The following ZNF594 variants were observed in gnomAD, a reference collection of about 807,000 sequenced individuals.
ZNF594 encodes zinc finger protein HZF18.
For synonymous variants in ZNF594, 336 were observed against 309.4 expected, an observed-to-expected ratio of 1.09 and a Z score of -0.90; for missense variants, 1,037 against 964.6, an observed-to-expected ratio of 1.08 and a Z score of -0.99.
At position 5,182,490 on chromosome 17, in the gene ZNF594, A is replaced by C; in HGVS notation, c.1767T>G (p.Thr589=). Residue 589 remains threonine (T), a synonymous_variant, in exon 2 of 2, where the codon ACT becomes ACG. Coordinates refer to ENST00000575779, the MANE Select transcript of ZNF594 (RefSeq NM_032530.2). ...GSSDLIRHQV[T]HTREKPYECK... is the part of the protein sequence containing the mutation. ...ATTCATATGGTTTCTCTCTTGTATGAGTTACCTGATGTCTGATGAGGTCTG... is the reference window on the plus strand; with the variant it reads ...ATTCATATGGTTTCTCTCTTGTATGCGTTACCTGATGTCTGATGAGGTCTG... 1 of 1,613,874 alleles carries C rather than the reference A, an allele frequency of 6.2e-7. No individual in the cohort carries two copies. Among genetic ancestry groups the C allele is most frequent in the Non-Finnish European group, 8.5e-7 (1 of 1,179,974 alleles).
intron 1 of ZNF594, among the ~76,000 whole-genome samples, chr17:5,186,042 TG>T (rs917045395): frequency 6.6e-6 from 1 of 152,204 alleles, no homozygotes. Context: ...TCTACCATTC[TG>T]GGGTCTGGAG....
intron 1 of ZNF594, among the ~76,000 whole-genome samples, chr17:5,185,897 G>A (rs573056758): frequency 5.9e-5 from 9 of 152,308 alleles, no homozygotes; most frequent in African/African-American, 1.9e-4. Flanking sequence ...GCTGATGCAA[G>A]AGGTGGGTTC....
At chr17:5,175,481 G>A (rs1434902887), downstream of ZNF594, among the ~76,000 whole-genome samples, 1 of 151,998 alleles carries the variant, frequency 6.6e-6, no homozygotes, top group African/African-American at 2.4e-5. Context: ...CCCATCCCTG[G>A]TGCCAAAAAG....
downstream of ZNF594, among the ~76,000 whole-genome samples, chr17:5,177,127 C>T (rs1410074632): frequency 2.0e-5 from 3 of 150,178 alleles, no homozygotes; most frequent in South Asian, 2.1e-4. Flanking sequence ...ACCAGGGAGG[C>T]GGCGCTTGCA....
At chr17:5,174,604 G>C (rs1379823759), downstream of ZNF594, 1 of 194,488 alleles carries the variant, frequency 5.1e-6, no homozygotes, top group Non-Finnish European at 1.1e-5. Flanking sequence ...AATAAAATCT[G>C]TCCATTCCTA....
Position 5,180,872 on chromosome 17 carries a change from T to TA in ZNF594, c.*960dup, listed in dbSNP as rs2144236052. 2.1e-6 allele frequency: 1 copy of TA among 485,886 alleles called. No homozygotes were observed. The highest frequency in any genetic ancestry group is 1.9e-5 in the African/African-American group (1 of 51,416). The allele number at this position is 485,886 out of a possible 1,614,324, so 30.1% of individuals were successfully genotyped here. On this transcript the variant is annotated 3_prime_UTR_variant, in exon 2 of 2. Transcript: ENST00000575779. ...GTTTTTTTCTAATAAAACTCATTTG[T>TA]AGTGCAATAAGATGTGGTCTCCATC...
At position 5,181,007 on chromosome 17, in the gene ZNF594, G is replaced by C; in HGVS notation, c.*826C>G. 1 of 791,744 alleles carries C rather than the reference G, an allele frequency of 1.3e-6. No homozygotes were observed. Among genetic ancestry groups the C allele is most frequent in the Non-Finnish European group, 2.2e-6 (1 of 461,918 alleles). The allele number at this position is 791,744 out of a possible 1,614,324, so 49.0% of individuals were successfully genotyped here. A position where few individuals can be genotyped will look rare whatever the true frequency, so the allele number is the denominator to read the frequency against. On this transcript the variant is annotated 3_prime_UTR_variant, in exon 2 of 2. Coordinates refer to ENST00000575779, the MANE Select transcript of ZNF594 (RefSeq NM_032530.2). ...ATTCCTTTCCAATGTGAAGTTTCTG[G>C]TGCTTAAGAAAAGCTGTCCACCCAC...
rs767460646 is a variant in ZNF594 at position 5,182,199 on chromosome 17, C to A, written c.2058G>T (p.Gly686=). Residue 686 remains glycine, a synonymous_variant, in exon 2 of 2, where the codon GGG becomes GGT. Transcript: ENST00000575779. The part of the protein sequence containing the change: ...GEKPYQCSEC[G]NAFRRRSLLI... ...GGAGGGAACGCCGCCTGAAGGCATT[C>A]CCACATTCACTGCACTGATAGGGTT... 1 of 1,613,188 alleles carries A rather than the reference C, an allele frequency of 6.2e-7. No homozygotes were observed. Among genetic ancestry groups the A allele is most frequent in the Admixed American group, 1.7e-5 (1 of 59,990 alleles).
rs1430649930 is a variant in ZNF594 at position 5,191,813 on chromosome 17, G to A, written c.-86C>T. 2.0e-5 allele frequency: 3 copies of A among 152,226 alleles called. No individual in the cohort carries two copies. The highest frequency in any genetic ancestry group is 2.9e-5 in the Non-Finnish European group (2 of 68,104). The allele number at this position is 152,226 out of a possible 1,614,324, so 9.4% of individuals were successfully genotyped here. A position where few individuals can be genotyped will look rare whatever the true frequency, so the allele number is the denominator to read the frequency against. On this transcript the variant is annotated 5_prime_UTR_variant, in exon 1 of 2. Coordinates refer to ENST00000575779, the MANE Select transcript of ZNF594 (RefSeq NM_032530.2). Reference sequence around the variant, plus strand: ...TCCACGGCCGCTATCACTGGGTCGCGGCTCCTAGCGCCACCATCTTGGACC... The same window carrying A: ...TCCACGGCCGCTATCACTGGGTCGCAGCTCCTAGCGCCACCATCTTGGACC...
rs934172448 is a variant in ZNF594 at position 5,179,741 on chromosome 17, T to TA, written c.*2091dup. On this transcript the variant is annotated 3_prime_UTR_variant, in exon 2 of 2. Transcript: ENST00000575779. ...ACGATATGTTTGCCCACAAAAGGAA[T>TA]AAAAAGACTAATGAAAATGGTAAAT... is the stretch of plus-strand genomic sequence containing the variant. 2.6e-5 allele frequency: 4 copies of TA among 152,014 alleles called. No homozygotes were observed. The highest frequency in any genetic ancestry group is 2.6e-4 in the Admixed American group (4 of 15,256). 9.4% of individuals were successfully genotyped at this position (152,014 alleles called of 1,614,324 possible). A position where few individuals can be genotyped will look rare whatever the true frequency, so the allele number is the denominator to read the frequency against.
At chr17:5,189,258 C>G (rs969148456) in intron 1 of ZNF594, among the ~76,000 whole-genome samples, 1 of 120,486 alleles carries the variant, frequency 8.3e-6, no homozygotes, top group Non-Finnish European at 1.8e-5. Context: ...TTTTTTTTCA[C>G]TTTTTTTTTT....
intron 1 of ZNF594, among the ~76,000 whole-genome samples, chr17:5,185,113 T>A (rs2074377769): frequency 6.6e-6 from 1 of 152,340 alleles, no homozygotes; most frequent in African/African-American, 2.4e-5. Flanking sequence ...AATTACAAGA[T>A]AGATGAGCTT....
Position 5,182,789 on chromosome 17 carries a change from A to G in ZNF594, c.1468T>C (p.Cys490Arg), listed in dbSNP as rs751339214. 1 of 1,614,128 alleles carries G rather than the reference A, an allele frequency of 6.2e-7. No individual in the cohort carries two copies. Among genetic ancestry groups the G allele is most frequent in the South Asian group, 1.1e-5 (1 of 91,074 alleles). ...CTGAAGGCTTTCCCACATTCAGTGC[A>G]CTGATAGGGCTTCTCTCCAGTATGG... Reference protein sequence around the residue: ...KIHTGEKPYQCTECGKAFRRR... With the variant: ...KIHTGEKPYQRTECGKAFRRR... The change falls in exon 2 of 2, where the codon TGC (cysteine) becomes CGC (arginine). Residue 490 changes from cysteine (C) to arginine (R), a missense_variant. By Grantham distance (180) the Cys-to-Arg change is radical. Transcript: ENST00000575779.
At chr17:5,184,767 C>A (rs1298517638) in intron 1 of ZNF594, among the ~76,000 whole-genome samples, 1 of 152,224 alleles carries the variant, frequency 6.6e-6, no homozygotes, top group African/African-American at 2.4e-5. Context: ...TTTCTCTTCC[C>A]ATGGCCACGC....
downstream of ZNF594, chr17:5,174,569 CTT>C (rs749724949): frequency 2.1e-4 from 40 of 193,324 alleles, no homozygotes; most frequent in Admixed American, 1.8e-4. Context: ...AAAATGCACA[CTT>C]TATAGTTTCA....
In ZNF594 at chr17:5,191,863, T is replaced by G. The variant is rs2074427802; in HGVS notation, c.-136A>C. ...CCCGCGCCTGGGCCAGGCGAGAACTTCCGGTGCGCTCCCCGGGACTGCGGT... is the reference window on the plus strand; with the variant it reads ...CCCGCGCCTGGGCCAGGCGAGAACTGCCGGTGCGCTCCCCGGGACTGCGGT... On this transcript the variant is annotated 5_prime_UTR_variant, in exon 1 of 2. Coordinates refer to ENST00000575779, the MANE Select transcript of ZNF594 (RefSeq NM_032530.2). The G allele has an allele frequency of 6.6e-6, 1 of 151,996 alleles. No individual in the cohort carries two copies. The highest frequency in any genetic ancestry group is 1.9e-4 in the East Asian group (1 of 5,174). 9.4% of individuals were successfully genotyped at this position (151,996 alleles called of 1,614,324 possible). A position where few individuals can be genotyped will look rare whatever the true frequency, so the allele number is the denominator to read the frequency against.
At position 5,184,057 on chromosome 17, in the gene ZNF594, C is replaced by T. The variant is rs2074370163; in HGVS notation, c.200G>A (p.Arg67Lys). ...TTTCTGGGGGATAATATGCATTTCC[C>T]TGATACCGCTCTCTTGGGAAGGGAG... is the stretch of plus-strand genomic sequence containing the variant. ...RHLPSQESGI[R>K]EMHIIPQKAI... The change falls in exon 2 of 2, where the codon AGG (arginine) becomes AAG (lysine). Residue 67 changes from arginine (R) to lysine (K), a missense_variant. By Grantham distance (26) the Arg-to-Lys change is conservative (BLOSUM62 2). Coordinates refer to ENST00000575779, the MANE Select transcript of ZNF594 (RefSeq NM_032530.2). 6.2e-7 allele frequency: 1 copy of T among 1,614,066 alleles called. No individual in the cohort carries two copies.
chr17:5,184,225 G>GA lies in ZNF594; in HGVS notation c.31dup (p.Ser11PhefsTer2). The stretch of plus-strand genomic sequence containing the variant: ...AGCCCTTGCTGACTTCTTTTCTTCA[G>GA]AAATTTCCATCTTTGATTTCCATTC... On this transcript the variant is annotated frameshift_variant, in exon 2 of 2. Coordinates refer to ENST00000575779, the MANE Select transcript of ZNF594 (RefSeq NM_032530.2). LOFTEE classifies it low-confidence loss of function (END_TRUNC). 1 of 1,612,954 alleles carries GA rather than the reference G, an allele frequency of 6.2e-7. No individual in the cohort carries two copies. The highest frequency in any genetic ancestry group is 8.5e-7 in the Non-Finnish European group (1 of 1,179,744).
At chr17:5,176,011 G>A (rs1353973303), downstream of ZNF594, among the ~76,000 whole-genome samples, 2 of 152,150 alleles carry the variant, frequency 1.3e-5, no homozygotes, top group Non-Finnish European at 2.9e-5. Context: ...TTGTTTTGTT[G>A]TTTGTTTCTT....
Sources: gnomAD v4.1 joint callset for allele counts (sites outside exome capture counted in the v4.1 genomes callset) on GRCh38, gnomAD v4.1.1 for gene constraint, MANE v1.5 for transcripts, NCBI Gene and HGNC (gene_info 2026-07-23, HGNC 2026-07-21) for gene names.